APBA2: variants seen among roughly 807,000 people sequenced by gnomAD.
APBA2 encodes amyloid-beta A4 precursor protein-binding family A member 2.
Under a neutral mutation model 75.0 loss-of-function variants are expected in APBA2, and 30 were observed. That is an observed-to-expected ratio of 0.40 (90% CI 0.30 to 0.54). The LOEUF is 0.54. Ranked by LOEUF, APBA2 falls within the 20% of genes least tolerant of loss-of-function variation. The probability of loss-of-function intolerance (pLI) is 0.49; values close to 1 mark genes in which losing one functional copy is unlikely to be tolerated. For synonymous variants in APBA2, 444 were observed against 409.6 expected, an observed-to-expected ratio of 1.08 and a Z score of -1.01; for missense variants, 801 against 1,016.1, an observed-to-expected ratio of 0.79 and a Z score of 2.88.
intron 4 of APBA2, among the ~76,000 whole-genome samples, chr15:29,060,647 G>A (rs575114332): frequency 4.1e-4 from 63 of 152,242 alleles, no homozygotes; most frequent in Admixed American, 1.5e-3. Context: ...GGAAGCCTCC[G>A]GTCTGTAAAA....
intron 2 of APBA2, among the ~76,000 whole-genome samples, chr15:28,981,583 T>C (rs1023809183): frequency 6.6e-6 from 1 of 152,206 alleles, no homozygotes; most frequent in African/African-American, 2.4e-5. Context: ...TCAGCCACCT[T>C]GGAAAGCAGT....
intron 2 of APBA2, among the ~76,000 whole-genome samples, chr15:28,969,118 T>A (rs916570505): frequency 1.4e-5 from 2 of 143,758 alleles, no homozygotes; most frequent in Non-Finnish European, 3.0e-5. Context: ...AAACCTTACC[T>A]TTCATTTCTT....
At chr15:28,990,697 A>G (rs999466752) in intron 2 of APBA2, 2 of 152,134 alleles carry the variant, frequency 1.3e-5, no homozygotes, top group African/African-American at 4.8e-5. Context: ...TGAACTAATC[A>G]CCCATGAAGA....
intron 2 of APBA2, among the ~76,000 whole-genome samples, chr15:28,946,023 T>C (rs964953049): frequency 6.6e-6 from 1 of 152,248 alleles, no homozygotes; most frequent in African/African-American, 2.4e-5. Context: ...ATTACTGTTA[T>C]GCAAATGTGG....
At chr15:29,081,966 G>A (rs1421174468) in intron 6 of APBA2, among the ~76,000 whole-genome samples, 1 of 152,226 alleles carries the variant, frequency 6.6e-6, no homozygotes, top group East Asian at 1.9e-4. Context: ...GCCTTCCCAA[G>A]GGGGGACAGC....
chr15:28,979,411 G>A, intron 2 of APBA2, among the ~76,000 whole-genome samples: 1 of 152,194 alleles, frequency 6.6e-6, no homozygotes, highest in Non-Finnish European at 1.5e-5. Context: ...TCCTCCTAAC[G>A]TCATTTGATT....
At chr15:28,907,905 A>G (rs1482743789) in intron 1 of APBA2, among the ~76,000 whole-genome samples, 1 of 152,256 alleles carries the variant, frequency 6.6e-6, no homozygotes, top group Non-Finnish European at 1.5e-5. Context: ...AGTTTCAGAA[A>G]GAAACTCAGG....
intron 2 of APBA2, among the ~76,000 whole-genome samples, chr15:28,980,240 A>C (rs1158020235): frequency 1.3e-5 from 2 of 152,226 alleles, no homozygotes; most frequent in Non-Finnish European, 2.9e-5. Flanking sequence ...GAGCCAGAGC[A>C]ATCAGGCAAC....
intron 2 of APBA2, among the ~76,000 whole-genome samples, chr15:28,936,245 A>C (rs2034863108): frequency 6.6e-6 from 1 of 152,068 alleles, no homozygotes; most frequent in African/African-American, 2.4e-5. Context: ...TTAGTTCTTG[A>C]GTGAGATGTT....
intron 2 of APBA2, among the ~76,000 whole-genome samples, chr15:28,950,695 C>G (rs753399234): frequency 2.0e-5 from 3 of 151,816 alleles, no homozygotes; most frequent in Non-Finnish European, 4.4e-5. Flanking sequence ...GGAAGGAGGT[C>G]GATGTGCAGA....
In APBA2 at chr15:28,913,026, G is replaced by A. The variant is rs138199177; in HGVS notation, c.-204-8614G>A. On this transcript the variant is annotated intron_variant, in intron 1 of 14. Transcript: ENST00000683413. ...ATTCTAGTATTCTAGTTATTTTCAC[G>A]CATCTGCACTATCTGGGACAGGGAC... 1.3e-3 allele frequency among the ~76,000 whole-genome samples: 192 copies of A among 152,284 alleles called. 1 individual carries two copies. The highest frequency in any genetic ancestry group is 4.3e-3 in the African/African-American group (179 of 41,564).
chr15:28,953,014 T>A (rs2035973931), intron 2 of APBA2, among the ~76,000 whole-genome samples: 1 of 152,160 alleles, frequency 6.6e-6, no homozygotes, highest in Non-Finnish European at 1.5e-5. Flanking sequence ...CAGGCGGGTC[T>A]TGTTGGTTAC....
chr15:28,889,518 C>G (rs1332981926), intron 1 of APBA2, among the ~76,000 whole-genome samples: 2 of 152,226 alleles, frequency 1.3e-5, no homozygotes, highest in Non-Finnish European at 2.9e-5. Context: ...CAAGTTCCCC[C>G]ACTTGCTCCC....
At chr15:28,992,896 C>T (rs371057810) in intron 2 of APBA2, among the ~76,000 whole-genome samples, 15 of 152,192 alleles carry the variant, frequency 9.9e-5, no homozygotes, top group East Asian at 3.8e-4. Context: ...ACTTAATTTA[C>T]GGCCTGAAGA....
chr15:29,104,654 C>G (rs2044307191), intron 10 of APBA2, among the ~76,000 whole-genome samples: 1 of 152,240 alleles, frequency 6.6e-6, no homozygotes, highest in Non-Finnish European at 1.5e-5. Flanking sequence ...GAAGAGCAGC[C>G]AGGCACACCC....
intron 3 of APBA2, among the ~76,000 whole-genome samples, chr15:29,024,791 T>G (rs1469160140): frequency 6.6e-6 from 1 of 152,122 alleles, no homozygotes; most frequent in African/African-American, 2.4e-5. Flanking sequence ...CCTGACATGT[T>G]TATTCTGAGA....
intron 2 of APBA2, among the ~76,000 whole-genome samples, chr15:28,948,681 G>A (rs1399556101): frequency 6.6e-6 from 1 of 152,296 alleles, no homozygotes; most frequent in East Asian, 1.9e-4. Flanking sequence ...TGTACCTGTT[G>A]TTTTATTATA....
intron 8 of APBA2, among the ~76,000 whole-genome samples, chr15:29,097,338 G>A (rs911570761): frequency 6.6e-6 from 1 of 152,234 alleles, no homozygotes; most frequent in Non-Finnish European, 1.5e-5. Context: ...CAGGCGTCCC[G>A]CCCCATCTCG....
chr15:29,006,982 C>T (rs971457854), intron 3 of APBA2, among the ~76,000 whole-genome samples: 21 of 152,218 alleles, frequency 1.4e-4, no homozygotes, highest in Admixed American at 3.3e-4. Context: ...ACAAAGTTGG[C>T]GATCTCACAC....
Sources: gnomAD v4.1 joint callset for allele counts (sites outside exome capture counted in the v4.1 genomes callset) on GRCh38, gnomAD v4.1.1 for gene constraint, MANE v1.5 for transcripts, NCBI Gene and HGNC (gene_info 2026-07-23, HGNC 2026-07-21) for gene names.